ZMAT4: variants seen among roughly 807,000 people sequenced by gnomAD.
ZMAT4 encodes zinc finger matrin-type 4.
Under a neutral mutation model 28.7 loss-of-function variants are expected in ZMAT4, and 17 were observed. The observed-to-expected ratio is 0.59, with a 90% CI of 0.41 to 0.89. ZMAT4 has a LOEUF of 0.89. Ranked by LOEUF, ZMAT4 falls within the 40% of genes least tolerant of loss-of-function variation. The pLI, the probability that ZMAT4 is intolerant of heterozygous loss-of-function variation, is 0.00. For synonymous variants in ZMAT4, 117 were observed against 109.2 expected (o/e 1.07, Z -0.44); for missense variants, 240 against 283.8 (o/e 0.85, Z 1.11).
chr8:40,599,190 C>G (rs1036309721), intron 5 of ZMAT4, among the ~76,000 whole-genome samples: 1 of 152,072 alleles, frequency 6.6e-6, no homozygotes, highest in East Asian at 1.9e-4. Flanking sequence ...AACACTCTGC[C>G]CTCCTATACT....
chr8:40,537,081 C>T (rs1358915876), intron 6 of ZMAT4, among the ~76,000 whole-genome samples: 2 of 151,900 alleles, frequency 1.3e-5, no homozygotes, highest in Non-Finnish European at 2.9e-5. Context: ...GTATTGGAAG[C>T]CTATGTAGTC....
intron 1 of ZMAT4, among the ~76,000 whole-genome samples, chr8:40,877,933 T>A (rs570460295): frequency 3.0e-4 from 46 of 152,294 alleles, no homozygotes; most frequent in Middle Eastern, 3.4e-3. Context: ...CCCGACACAC[T>A]GAACAGTGGA....
chr8:40,891,267 G>C, intron 1 of ZMAT4, among the ~76,000 whole-genome samples: 1 of 128,512 alleles, frequency 7.8e-6, no homozygotes, highest in Non-Finnish European at 1.7e-5. Flanking sequence ...GAGGGGGGAG[G>C]GGGAAGGGGA....
intron 2 of ZMAT4, among the ~76,000 whole-genome samples, chr8:40,775,657 A>C (rs1052889104): frequency 6.6e-6 from 1 of 152,178 alleles, no homozygotes; most frequent in African/African-American, 2.4e-5. Flanking sequence ...TAGCTTGGTA[A>C]AGTGTCCTTA....
At chr8:40,866,401 A>ACC (rs1197926268) in intron 1 of ZMAT4, among the ~76,000 whole-genome samples, 1 of 152,182 alleles carries the variant, frequency 6.6e-6, no homozygotes, top group Non-Finnish European at 1.5e-5. Context: ...GCCCACTGGC[A>ACC]CCCCAGGCAC....
At position 40,581,125 on chromosome 8, in the gene ZMAT4, C is replaced by T. The variant is rs758862184; in HGVS notation, c.674+40G>A. ...CCTTTAGTCATCTTACTAAAAATTA[C>T]ATCGAAGAAACTGAAGAGTGAAAGC... On this transcript the variant is annotated intron_variant, in intron 6 of 6. Transcript: ENST00000297737. 4.6e-6 allele frequency: 7 copies of T among 1,537,938 alleles called. No individual in the cohort carries two copies. In the South Asian group the frequency reaches 7.9e-5, roughly 17 times the overall value.
chr8:40,542,543 C>T (rs1415020375), intron 6 of ZMAT4, among the ~76,000 whole-genome samples: 1 of 151,862 alleles, frequency 6.6e-6, no homozygotes, highest in Non-Finnish European at 1.5e-5. Flanking sequence ...TACATGCCAC[C>T]ACTCCCAGCT....
At chr8:40,837,057 A>C (rs1457225599) in intron 1 of ZMAT4, among the ~76,000 whole-genome samples, 1 of 152,218 alleles carries the variant, frequency 6.6e-6, no homozygotes, top group Non-Finnish European at 1.5e-5. Flanking sequence ...TCTAGAAATG[A>C]ATCTTCCACA....
At position 40,825,566 on chromosome 8, in the gene ZMAT4, T is replaced by A. The variant is rs935724307; in HGVS notation, c.102+9A>T. 1.3e-6 allele frequency: 2 copies of A among 1,550,904 alleles called. No individual in the cohort carries two copies. The highest frequency in any genetic ancestry group is 1.4e-5 in the African/African-American group (1 of 73,080). The stretch of plus-strand genomic sequence containing the variant: ...CATTTGCAAACAGAGTGGGAAACGC[T>A]GTCCTTACCTCGTAGTGGGCCACAC... On this transcript the variant is annotated intron_variant, in intron 2 of 6. Transcript: ENST00000297737.
chr8:40,722,459 C>T (rs907822653), intron 3 of ZMAT4, among the ~76,000 whole-genome samples: 1 of 152,152 alleles, frequency 6.6e-6, no homozygotes, highest in African/African-American at 2.4e-5. Context: ...TTGGATCACA[C>T]ACATCTTAAA....
intron 1 of ZMAT4, among the ~76,000 whole-genome samples, chr8:40,885,603 C>A (rs909512071): frequency 6.6e-6 from 1 of 152,230 alleles, no homozygotes; most frequent in Non-Finnish European, 1.5e-5. Flanking sequence ...TAGCTCACTG[C>A]AGCCTCGAAC....
At chr8:40,718,146 A>G (rs923337105) in intron 3 of ZMAT4, among the ~76,000 whole-genome samples, 14 of 152,220 alleles carry the variant, frequency 9.2e-5, no homozygotes, top group Non-Finnish European at 1.6e-4. Context: ...AGAACCTCGT[A>G]TAGATAGCCA....
chr8:40,777,553 G>A (rs1462707850), intron 2 of ZMAT4, among the ~76,000 whole-genome samples: 1 of 152,194 alleles, frequency 6.6e-6, no homozygotes, highest in East Asian at 1.9e-4. Flanking sequence ...AGTGTTGGCC[G>A]ATGGCCACTG....
At chr8:40,784,071 C>A (rs1320027000) in intron 2 of ZMAT4, among the ~76,000 whole-genome samples, 1 of 152,126 alleles carries the variant, frequency 6.6e-6, no homozygotes, top group African/African-American at 2.4e-5. Context: ...ACCACCACCA[C>A]CACCACCACC....
At chr8:40,654,844 A>T (rs1807845361) in intron 5 of ZMAT4, among the ~76,000 whole-genome samples, 1 of 152,132 alleles carries the variant, frequency 6.6e-6, no homozygotes, top group African/African-American at 2.4e-5. Flanking sequence ...CTGACATCAT[A>T]CTTCATAGTG....
At chr8:40,564,013 G>A (rs1803835055) in intron 6 of ZMAT4, among the ~76,000 whole-genome samples, 4 of 152,066 alleles carry the variant, frequency 2.6e-5, no homozygotes. Context: ...GGCTCCCTCG[G>A]ATTGTCAGAG....
chr8:40,598,017 T>C (rs1805159324), intron 5 of ZMAT4, among the ~76,000 whole-genome samples: 1 of 151,712 alleles, frequency 6.6e-6, no homozygotes, highest in African/African-American at 2.4e-5. Context: ...AAAGGGGATG[T>C]TTGAAGGGGC....
chr8:40,565,684 A>C (rs995136012), intron 6 of ZMAT4, among the ~76,000 whole-genome samples: 1 of 151,276 alleles, frequency 6.6e-6, no homozygotes, highest in Non-Finnish European at 1.5e-5. Context: ...GGTCATTGCC[A>C]CCATCTTTTT....
rs139833799 is a variant in ZMAT4, at chr8:40,764,960, G to A, written c.192+2681C>T. 3.6e-3 allele frequency among the ~76,000 whole-genome samples: 551 copies of A among 152,016 alleles called. 4 individuals carry two copies. Among genetic ancestry groups the A allele is most frequent in the African/African-American group, 0.012 (503 of 41,416 alleles). On this transcript the variant is annotated intron_variant, in intron 3 of 6. Coordinates refer to ENST00000297737, the MANE Select transcript of ZMAT4 (RefSeq NM_024645.3). ...AATCCTCCAGCCTCAGCCTCCTGAG[G>A]AGCGGGGTCTATAGGTATGTACCAC...
Sources: gnomAD v4.1 joint callset for allele counts (sites outside exome capture counted in the v4.1 genomes callset) on GRCh38, gnomAD v4.1.1 for gene constraint, MANE v1.5 for transcripts, NCBI Gene and HGNC (gene_info 2026-07-23, HGNC 2026-07-21) for gene names.